KALRN: variants seen among roughly 807,000 people sequenced by gnomAD.
The protein encoded by KALRN is kalirin RhoGEF kinase.
KALRN carries 70 observed loss-of-function variants against 353.7 expected under a neutral mutation model. That is an observed-to-expected ratio of 0.20 (90% CI 0.16 to 0.24). KALRN has a LOEUF of 0.24. Ranked by LOEUF, KALRN falls within the 10% of genes least tolerant of loss-of-function variation. The pLI is 1.00. For synonymous variants in KALRN, 1,391 were observed against 1,434.8 expected (o/e 0.97, Z 0.69); for missense variants, 2,791 against 3,756.7 (o/e 0.74, Z 6.72).
chr3:124,068,660 T>A (rs1019817558), intron 1 of KALRN, among the ~76,000 whole-genome samples: 1 of 152,320 alleles, frequency 6.6e-6, no homozygotes. Flanking sequence ...CCCTGCCATG[T>A]CTGGAGATGA....
chr3:124,501,492 T>C (rs1445636), intron 33 of KALRN, among the ~76,000 whole-genome samples: 38,938 of 152,090 alleles, frequency 0.26, 5,159 homozygotes, highest in South Asian at 0.38. Context: ...TAGGAGATGG[T>C]AAGGGTCCAA....
At chr3:124,587,136 A>G (rs2075277685) in intron 34 of KALRN, among the ~76,000 whole-genome samples, 1 of 152,172 alleles carries the variant, frequency 6.6e-6, no homozygotes, top group Non-Finnish European at 1.5e-5. Context: ...TGTGCACTGC[A>G]GGGGACTGAC....
At position 124,490,724 on chromosome 3, in the gene KALRN, A is replaced by T. The variant is rs779153128; in HGVS notation, c.4427A>T (p.Glu1476Val). 3.1e-6 allele frequency: 5 copies of T among 1,613,144 alleles called. No homozygotes were observed. The highest frequency in any genetic ancestry group is 4.2e-6 in the Non-Finnish European group (5 of 1,179,748). ...GACGAGAACCTGGATGTGCAGGGGG[A>T]GTTGATTCTCCAGGATGCCTTTCAA... ...GFDENLDVQG[E>V]LILQDAFQVW... The change falls in exon 30 of 60, where the codon GAG (glutamate) becomes GTG (valine). Residue 1476 changes from glutamate (E) to valine (V), a missense_variant. Physicochemically the swap from Glu to Val is moderately radical, Grantham distance 121. Transcript: ENST00000682506.
At chr3:124,102,726 A>C (rs1296706598) in intron 1 of KALRN, among the ~76,000 whole-genome samples, 2 of 152,194 alleles carry the variant, frequency 1.3e-5, no homozygotes, top group African/African-American at 4.8e-5. Flanking sequence ...TGTCCCCACT[A>C]TCCTTTGTAT....
chr3:124,188,276 G>A (rs1219748446), intron 1 of KALRN, among the ~76,000 whole-genome samples: 1 of 152,150 alleles, frequency 6.6e-6, no homozygotes, highest in East Asian at 1.9e-4. Flanking sequence ...GTTTTAAAAG[G>A]TCCTCAGATA....
chr3:124,309,899 A>G (rs959935736), intron 6 of KALRN, among the ~76,000 whole-genome samples: 1 of 152,202 alleles, frequency 6.6e-6, no homozygotes, highest in African/African-American at 2.4e-5. Context: ...TGCCCCTTCC[A>G]TTCAATATTG....
intron 2 of KALRN, among the ~76,000 whole-genome samples, chr3:124,228,766 G>C (rs1055937511): frequency 2.0e-5 from 3 of 152,196 alleles, no homozygotes. Context: ...TTATTGCACA[G>C]TTCTGGAAGC....
At chr3:124,375,279 G>A (rs1209309339) in intron 10 of KALRN, among the ~76,000 whole-genome samples, 5 of 152,164 alleles carry the variant, frequency 3.3e-5, no homozygotes, top group South Asian at 4.2e-4. Context: ...TCTGCATAGC[G>A]CACGCCTCAT....
chr3:124,479,899 A>G (rs933660830), intron 27 of KALRN, among the ~76,000 whole-genome samples: 1 of 151,606 alleles, frequency 6.6e-6, no homozygotes, highest in Admixed American at 6.6e-5. Flanking sequence ...AATTTTTTGT[A>G]TTTCTAGTAG....
chr3:124,426,199 T>C (rs1256293887), intron 15 of KALRN, among the ~76,000 whole-genome samples: 1 of 152,170 alleles, frequency 6.6e-6, no homozygotes, highest in Non-Finnish European at 1.5e-5. Flanking sequence ...GAGAAGGCAT[T>C]TGTGTTTGAT....
At chr3:124,687,999 T>G (rs1440235909) in intron 51 of KALRN, among the ~76,000 whole-genome samples, 1 of 152,114 alleles carries the variant, frequency 6.6e-6, no homozygotes, top group Admixed American at 6.6e-5. Flanking sequence ...TTACAGCTTG[T>G]CTTATGCTCA....
At chr3:124,332,624 G>A (rs974479766) in intron 8 of KALRN, among the ~76,000 whole-genome samples, 6 of 152,148 alleles carry the variant, frequency 3.9e-5, no homozygotes, top group Admixed American at 6.5e-5. Context: ...ATTGATGCCC[G>A]TGATTGTGCC....
intron 34 of KALRN, among the ~76,000 whole-genome samples, chr3:124,614,651 G>T (rs1482444569): frequency 6.6e-6 from 1 of 151,024 alleles, no homozygotes; most frequent in East Asian, 2.0e-4. Flanking sequence ...GCTCACTGCA[G>T]CCTCAACCTC....
Position 124,657,555 on chromosome 3 carries a change from A to G in KALRN, c.5966+4A>G, listed in dbSNP as rs1031470042. 1 of 1,606,460 alleles carries G rather than the reference A, an allele frequency of 6.2e-7. No individual in the cohort carries two copies. Among genetic ancestry groups the G allele is most frequent in the Non-Finnish European group, 8.5e-7 (1 of 1,173,096 alleles). On this transcript the variant is annotated splice_donor_region_variant and intron_variant, in intron 40 of 59. Transcript: ENST00000682506. ...AGATTTATGACTGGCATAAGGAGTA[A>G]GTGTTAATGCTGCCCCGAGGATCCA...
At chr3:124,295,250 C>T (rs569193247) in intron 5 of KALRN, among the ~76,000 whole-genome samples, 2 of 152,306 alleles carry the variant, frequency 1.3e-5, no homozygotes, top group Admixed American at 6.5e-5. Context: ...GTCTTTTTCT[C>T]TCTACTGAGA....
chr3:124,096,290 A>C (rs1473849020), intron 1 of KALRN: 1 of 152,226 alleles, frequency 6.6e-6, no homozygotes, highest in African/African-American at 2.4e-5. Context: ...CTAAGTGAGA[A>C]ACTACAAGTG....
intron 1 of KALRN, among the ~76,000 whole-genome samples, chr3:124,042,495 C>T (rs1323865977): frequency 1.3e-5 from 2 of 152,046 alleles, no homozygotes; most frequent in East Asian, 3.9e-4. Flanking sequence ...AGAGTCTGAA[C>T]TTGAGAAGCA....
chr3:124,479,754 C>G (rs372423839), intron 27 of KALRN, among the ~76,000 whole-genome samples: 1 of 137,636 alleles, frequency 7.3e-6, no homozygotes, highest in African/African-American at 2.7e-5. Flanking sequence ...GACGGAGTCT[C>G]GCTCTGTTGC....
At chr3:124,088,585 G>A (rs543426940) in intron 1 of KALRN, among the ~76,000 whole-genome samples, 56 of 152,298 alleles carry the variant, frequency 3.7e-4, no homozygotes, top group African/African-American at 1.3e-3. Context: ...TATGTATTAA[G>A]TGTAGTGCTT....
Sources: gnomAD v4.1 joint callset for allele counts (sites outside exome capture counted in the v4.1 genomes callset) on GRCh38, gnomAD v4.1.1 for gene constraint, MANE v1.5 for transcripts, NCBI Gene and HGNC (gene_info 2026-07-23, HGNC 2026-07-21) for gene names.